MAML3: variants seen among roughly 807,000 people sequenced by gnomAD.
MAML3 encodes the protein mastermind like transcriptional coactivator 3, also known as mastermind-like protein 3.
Under a neutral mutation model 101.9 loss-of-function variants are expected in MAML3, and 27 were observed. The observed-to-expected ratio is 0.27, with a 90% CI of 0.20 to 0.37. The LOEUF is 0.37. Among genes scored for constraint, MAML3 ranks in the 10% least tolerant of loss-of-function variants. MAML3 has a pLI of 1.00. For missense variants in MAML3, 1,316 were observed against 1,444.9 expected (o/e 0.91, Z 1.45); for synonymous variants, 501 against 555.9 (o/e 0.90, Z 1.39).
intron 2 of MAML3, among the ~76,000 whole-genome samples, chr4:139,831,933 C>T (rs1731170362): frequency 6.6e-6 from 1 of 151,740 alleles, no homozygotes. Context: ...GTTGGGATTA[C>T]AGGCACCCGC....
Position 140,002,482 on chromosome 4 carries a change from A to G in MAML3, c.469-111515T>C, listed in dbSNP as rs541412692. ...ATGATTTTTAATAAGTCACGATGGG[A>G]AACAGTAAGACTGGTCAACTTTCTA... is the stretch of plus-strand genomic sequence containing the variant. On this transcript the variant is annotated intron_variant, in intron 1 of 4. Transcript: ENST00000509479. 2.6e-5 allele frequency among the ~76,000 whole-genome samples: 4 copies of G among 152,360 alleles called. No homozygotes were observed. The East Asian group carries it at 7.7e-4, about 29-fold the overall frequency.
intron 2 of MAML3, among the ~76,000 whole-genome samples, chr4:139,860,030 C>T (rs1278527864): frequency 6.6e-6 from 1 of 152,202 alleles, no homozygotes; most frequent in Non-Finnish European, 1.5e-5. Context: ...CGGGGGCAGG[C>T]GCGGGCCTCA....
chr4:139,795,867 T>C (rs1191154926), intron 2 of MAML3, among the ~76,000 whole-genome samples: 6 of 152,228 alleles, frequency 3.9e-5, no homozygotes, highest in Non-Finnish European at 7.3e-5. Context: ...CGCATGTATG[T>C]GCACACAAAT....
chr4:139,830,295 C>G (rs1440171937), intron 2 of MAML3, among the ~76,000 whole-genome samples: 2 of 152,148 alleles, frequency 1.3e-5, no homozygotes, highest in Admixed American at 6.5e-5. Context: ...GTCAGTACAT[C>G]CTGGCTATAT....
At chr4:139,826,204 C>T (rs189802919) in intron 2 of MAML3, among the ~76,000 whole-genome samples, 16 of 152,050 alleles carry the variant, frequency 1.1e-4, no homozygotes, top group African/African-American at 3.6e-4. Context: ...ATCCTGACCC[C>T]GGGCCCCACC....
intron 1 of MAML3, among the ~76,000 whole-genome samples, chr4:140,020,006 C>T (rs1282952676): frequency 6.6e-6 from 1 of 152,170 alleles, no homozygotes; most frequent in Non-Finnish European, 1.5e-5. Context: ...GTAGTCTTCC[C>T]TTCAACAAAG....
chr4:140,072,435 C>T (rs934667315), intron 1 of MAML3, among the ~76,000 whole-genome samples: 3 of 152,078 alleles, frequency 2.0e-5, no homozygotes, highest in African/African-American at 7.2e-5. Context: ...CTTTGGGAGG[C>T]CAAGGTGGGC....
At chr4:140,108,438 A>T (rs568273426) in intron 1 of MAML3, among the ~76,000 whole-genome samples, 19 of 151,924 alleles carry the variant, frequency 1.3e-4, no homozygotes, top group African/African-American at 4.3e-4. Flanking sequence ...TCTTGAAACC[A>T]CAGATCAAAG....
chr4:139,864,591 G>A (rs1175138450), intron 2 of MAML3, among the ~76,000 whole-genome samples: 1 of 138,048 alleles, frequency 7.2e-6, no homozygotes, highest in Non-Finnish European at 1.5e-5. Context: ...CAGGAGAATT[G>A]CTTGAACCTG....
chr4:139,981,111 T>C (rs535424634), intron 1 of MAML3, among the ~76,000 whole-genome samples: 6 of 152,350 alleles, frequency 3.9e-5, no homozygotes, highest in Admixed American at 6.5e-5. Flanking sequence ...TTCTCAGCGT[T>C]CTGGAGTCTG....
chr4:140,053,099 A>G (rs1251466091), intron 1 of MAML3, among the ~76,000 whole-genome samples: 1 of 152,158 alleles, frequency 6.6e-6, no homozygotes. Flanking sequence ...GTCAATCATG[A>G]TAAGAGACAA....
At chr4:139,870,068 T>G (rs1233795627) in intron 2 of MAML3, among the ~76,000 whole-genome samples, 4 of 152,260 alleles carry the variant, frequency 2.6e-5, no homozygotes, top group Non-Finnish European at 5.9e-5. Flanking sequence ...AAATGTTTCA[T>G]GTCAAGGGCT....
intron 1 of MAML3, among the ~76,000 whole-genome samples, chr4:139,996,925 T>TA (rs1186148523): frequency 6.6e-6 from 1 of 151,832 alleles, no homozygotes; most frequent in Non-Finnish European, 1.5e-5. Flanking sequence ...AGTGTGGTGG[T>TA]ACGTGCCTGT....
At chr4:139,923,347 A>G (rs1253947622) in intron 1 of MAML3, among the ~76,000 whole-genome samples, 1 of 152,184 alleles carries the variant, frequency 6.6e-6, no homozygotes, top group African/African-American at 2.4e-5. Context: ...CTTGTAGAGG[A>G]CTGTCATCTT....
chr4:140,072,711 T>C (rs1050979921), intron 1 of MAML3, among the ~76,000 whole-genome samples: 3 of 151,078 alleles, frequency 2.0e-5, no homozygotes, highest in Admixed American at 6.6e-5. Context: ...CGTCCGTAAG[T>C]TATATGCAAA....
chr4:139,798,908 C>A (rs1411874341), intron 2 of MAML3, among the ~76,000 whole-genome samples: 1 of 152,188 alleles, frequency 6.6e-6, no homozygotes, highest in African/African-American at 2.4e-5. Context: ...CTTTCATGGC[C>A]TTTTCCCATT....
At chr4:140,062,482 A>G (rs1220903030) in intron 1 of MAML3, among the ~76,000 whole-genome samples, 1 of 152,192 alleles carries the variant, frequency 6.6e-6, no homozygotes, top group Non-Finnish European at 1.5e-5. Context: ...GATGGAGGCT[A>G]AGGTTTAACG....
At chr4:140,119,817 G>C (rs1305898260) in intron 1 of MAML3, among the ~76,000 whole-genome samples, 5 of 152,108 alleles carry the variant, frequency 3.3e-5, no homozygotes, top group Admixed American at 6.5e-5. Flanking sequence ...TCTCTTATGT[G>C]GTCAAACATC....
chr4:139,867,530 C>A (rs1278856349), intron 2 of MAML3, among the ~76,000 whole-genome samples: 1 of 152,156 alleles, frequency 6.6e-6, no homozygotes, highest in African/African-American at 2.4e-5. Context: ...AAGGTAGGCA[C>A]TATCATCTCA....
Sources: allele counts gnomAD v4.1 joint callset (sites outside exome capture counted in the v4.1 genomes callset), GRCh38; gene constraint gnomAD v4.1.1; transcripts MANE v1.5; gene names NCBI Gene and HGNC (gene_info 2026-07-23, HGNC 2026-07-21).